PVT1: variants seen among roughly 807,000 people sequenced by gnomAD.
The protein encoded by PVT1 is Pvt1 oncogene.
intron 6 of PVT1, chr8:128,099,421 T>A (rs1476786710): frequency 1.3e-5 from 2 of 152,258 alleles, no homozygotes; most frequent in Non-Finnish European, 2.9e-5. Flanking sequence ...CCACCCAGCA[T>A]CACTGTGGGA....
intron 2 of PVT1, among the ~76,000 whole-genome samples, chr8:127,885,013 C>T (rs542008195): frequency 1.3e-5 from 2 of 152,188 alleles, no homozygotes; most frequent in Admixed American, 6.5e-5. Flanking sequence ...GACTGTGTCC[C>T]CTGTTCACTC....
intron 4 of PVT1, among the ~76,000 whole-genome samples, chr8:127,994,802 G>T (rs1817086216): frequency 6.6e-6 from 1 of 152,182 alleles, no homozygotes; most frequent in Non-Finnish European, 1.5e-5. Context: ...AATGCCAAGG[G>T]CAGGAGAAGA....
intron 4 of PVT1, among the ~76,000 whole-genome samples, chr8:128,063,257 A>G (rs888987204): frequency 1.3e-5 from 2 of 152,086 alleles, no homozygotes; most frequent in Non-Finnish European, 2.9e-5. Context: ...TCAAGCCTAT[A>G]ATCCCAGCAC....
chr8:128,086,349 A>G (rs560080791), intron 5 of PVT1, among the ~76,000 whole-genome samples: 3 of 152,132 alleles, frequency 2.0e-5, no homozygotes, highest in Non-Finnish European at 1.5e-5. Flanking sequence ...GCTTGACGTT[A>G]AGTGTTCACA....
At chr8:127,843,657 G>A (rs1814997808) in intron 2 of PVT1, among the ~76,000 whole-genome samples, 1 of 151,818 alleles carries the variant, frequency 6.6e-6, no homozygotes, top group African/African-American at 2.4e-5. Context: ...ATGTTAGCCA[G>A]GAGGGTCTCG....
intron 3 of PVT1, among the ~76,000 whole-genome samples, chr8:127,931,681 G>A (rs566944477): frequency 6.6e-6 from 1 of 152,210 alleles, no homozygotes; most frequent in Non-Finnish European, 1.5e-5. Context: ...ACCACTGAGC[G>A]GCACTGCCAC....
intron 5 of PVT1, among the ~76,000 whole-genome samples, chr8:128,088,027 GGGATT>G (rs1383749872): frequency 2.0e-5 from 3 of 152,046 alleles, no homozygotes; most frequent in Non-Finnish European, 4.4e-5. Context: ...CTAAAGTGCT[GGGATT>G]ACAGGTGTAA....
intron 2 of PVT1, among the ~76,000 whole-genome samples, chr8:127,820,669 C>T (rs1814717700): frequency 1.3e-5 from 2 of 151,552 alleles, no homozygotes; most frequent in African/African-American, 4.8e-5. Flanking sequence ...TGACTTTGGG[C>T]TGAGCAGTTG....
intron 3 of PVT1, among the ~76,000 whole-genome samples, chr8:127,952,348 C>T (rs1018052474): frequency 6.6e-6 from 1 of 152,132 alleles, no homozygotes. Context: ...GTCTAAGAAG[C>T]TAATAAAAAA....
rs71300279 is a variant in PVT1, at chr8:127,921,854, GTTTTTT to G, written n.782+30875_782+30880del. Among the ~76,000 whole-genome samples, 42 of 71,924 alleles carry G rather than the reference GTTTTTT, an allele frequency of 5.8e-4. No homozygotes were observed. In the East Asian group the frequency reaches 7.1e-3, roughly 12 times the overall value. 47.2% of individuals were successfully genotyped at this position (71,924 alleles called of 152,430 possible). On this transcript the variant is annotated intron_variant and non_coding_transcript_variant, in intron 3 of 10. Transcript: ENST00000651587. ...AAAAAAATTATAATTTTTGGTTCAT[GTTTTTT>G]TTTTTTTTTTTTTTTTTTGAGGCAG...
In PVT1 at chr8:127,856,370, T is replaced by C. The variant is rs528942880; in HGVS notation, n.373-34219T>C. On this transcript the variant is annotated intron_variant and non_coding_transcript_variant, in intron 2 of 10. Coordinates refer to ENST00000651587, the Ensembl canonical transcript of PVT1. Reference sequence around the variant, plus strand: ...ATATATTTTTTTTTCTTTTTTTTTTTTGAGACGGAGTCTTGCTCTGGAGTG... The same window carrying C: ...ATATATTTTTTTTTCTTTTTTTTTTCTGAGACGGAGTCTTGCTCTGGAGTG... 1.1e-4 allele frequency among the ~76,000 whole-genome samples: 16 copies of C among 152,046 alleles called. No homozygotes were observed. In the South Asian group the frequency reaches 3.1e-3, roughly 30 times the overall value.
chr8:127,961,535 G>A (rs951404172), intron 3 of PVT1, among the ~76,000 whole-genome samples: 19 of 152,302 alleles, frequency 1.2e-4, no homozygotes, highest in Admixed American at 1.3e-4. Flanking sequence ...CCCCAAGCTG[G>A]GTGAGCATCT....
chr8:127,821,119 T>C (rs1814723397), intron 2 of PVT1, among the ~76,000 whole-genome samples: 1 of 152,154 alleles, frequency 6.6e-6, no homozygotes, highest in African/African-American at 2.4e-5. Flanking sequence ...CTAAGATCAA[T>C]GAAAGGTTAT....
chr8:128,047,875 AT>A (rs1209785657), intron 4 of PVT1, among the ~76,000 whole-genome samples: 1 of 152,216 alleles, frequency 6.6e-6, no homozygotes, highest in African/African-American at 2.4e-5. Flanking sequence ...AATATATACA[AT>A]TTTTATTTGT....
At chr8:127,798,821 A>G (rs1319981909) in intron 2 of PVT1, among the ~76,000 whole-genome samples, 1 of 151,736 alleles carries the variant, frequency 6.6e-6, no homozygotes, top group Non-Finnish European at 1.5e-5. Context: ...GTTTGCAGTG[A>G]GCTGAGATTG....
chr8:127,869,409 G>A (rs1741668968), intron 2 of PVT1, among the ~76,000 whole-genome samples: 1 of 152,170 alleles, frequency 6.6e-6, no homozygotes, highest in African/African-American at 2.4e-5. Flanking sequence ...GGGATTACAG[G>A]TGTGAGCCAC....
intron 2 of PVT1, among the ~76,000 whole-genome samples, chr8:127,823,428 C>T (rs1814754852): frequency 1.3e-5 from 2 of 152,200 alleles, no homozygotes; most frequent in South Asian, 4.1e-4. Context: ...TGAAATAGCA[C>T]ATGCATATAT....
intron 4 of PVT1, among the ~76,000 whole-genome samples, chr8:128,012,966 G>A (rs1029037494): frequency 2.6e-5 from 4 of 152,178 alleles, no homozygotes; most frequent in Non-Finnish European, 5.9e-5. Context: ...GCACATTCAG[G>A]TTCATGGGTT....
chr8:128,064,203 C>G (rs1813871070), intron 4 of PVT1, among the ~76,000 whole-genome samples: 1 of 152,178 alleles, frequency 6.6e-6, no homozygotes, highest in South Asian at 2.1e-4. Flanking sequence ...ATATTAACTC[C>G]TCCTGTAAAT....
Sources: allele counts gnomAD v4.1 joint callset (sites outside exome capture counted in the v4.1 genomes callset), GRCh38; gene constraint gnomAD v4.1.1; transcripts MANE v1.5; gene names NCBI Gene and HGNC (gene_info 2026-07-23, HGNC 2026-07-21).